The following MGAT4C variants were observed in gnomAD, a reference collection of about 807,000 sequenced individuals.
MGAT4C encodes MGAT4 family member C.
A neutral mutation model predicts 40.1 loss-of-function variants in MGAT4C; 19 were observed. The ratio of observed to expected loss-of-function variants is 0.47; its 90% CI spans 0.33 to 0.70. The LOEUF (loss-of-function observed/expected upper bound fraction) is 0.70, where lower values mean the gene tolerates loss of function less well. MGAT4C is among the 30% of genes least tolerant of loss of function. The pLI, the probability that MGAT4C is intolerant of heterozygous loss-of-function variation, is 0.02. For synonymous variants in MGAT4C, 181 were observed against 187.1 expected (o/e 0.97, Z 0.27); for missense variants, 491 against 563.2 (o/e 0.87, Z 1.30).
rs1045659694 is a variant in MGAT4C at position 85,975,588 on chromosome 12, AC to A, written c.*3700del. The A allele has an allele frequency of 6.6e-6, 1 of 150,964 alleles. No homozygotes were observed. The highest frequency in any genetic ancestry group is 1.5e-5 in the Non-Finnish European group (1 of 67,146). The allele number at this position is 150,964 out of a possible 1,614,324, so 9.4% of individuals were successfully genotyped here. On this transcript the variant is annotated 3_prime_UTR_variant, in exon 5 of 5. Transcript: ENST00000611864. ...ACCTTCTGTTTTGTCTCCCATGAAG[AC>A]AAAAGGCATGCATATAAAATTTGTT...
intron 2 of MGAT4C, among the ~76,000 whole-genome samples, chr12:86,703,724 T>C (rs990677229): frequency 3.9e-5 from 6 of 152,216 alleles, no homozygotes; most frequent in Admixed American, 2.0e-4. Context: ...ATTGTTGTTG[T>C]CTGGAGCCTA....
chr12:86,015,253 A>ATGTGTGTGTG (rs74276061), intron 2 of MGAT4C, among the ~76,000 whole-genome samples: 1 of 151,060 alleles, frequency 6.6e-6, no homozygotes, highest in Non-Finnish European at 1.5e-5. Flanking sequence ...TTTTGCACCA[A>ATGTGTGTGTG]TGTGTGTGTG....
intron 2 of MGAT4C, among the ~76,000 whole-genome samples, chr12:85,991,653 C>T (rs1183057857): frequency 1.3e-4 from 20 of 152,170 alleles, no homozygotes; most frequent in Admixed American, 1.2e-3. Context: ...GTCAGCACTG[C>T]CCAGAGCTGA....
At chr12:86,110,278 AGTC>A (rs1383530805) in intron 1 of MGAT4C, among the ~76,000 whole-genome samples, 4 of 63,754 alleles carry the variant, frequency 6.3e-5, no homozygotes, top group Non-Finnish European at 8.6e-5. Context: ...CTATATATAT[AGTC>A]TATATATATA....
chr12:86,107,604 T>G (rs1876439199), intron 1 of MGAT4C, among the ~76,000 whole-genome samples: 1 of 152,152 alleles, frequency 6.6e-6, no homozygotes, highest in African/African-American at 2.4e-5. Flanking sequence ...CTCCGTTAAT[T>G]AGAGAACAAA....
At chr12:86,707,567 G>A (rs1344693836) in intron 2 of MGAT4C, among the ~76,000 whole-genome samples, 1 of 146,212 alleles carries the variant, frequency 6.8e-6, no homozygotes, top group Non-Finnish European at 1.5e-5. Flanking sequence ...GTATTGCTCT[G>A]TCACACATGC....
intron 2 of MGAT4C, among the ~76,000 whole-genome samples, chr12:86,603,203 A>C (rs1433416585): frequency 2.1e-5 from 3 of 145,300 alleles, no homozygotes; most frequent in African/African-American, 7.6e-5. Context: ...TCTATATAGA[A>C]TAATACTATA....
At position 86,038,246 on chromosome 12, in the gene MGAT4C, A is replaced by C. The variant is rs546913151; in HGVS notation, c.-7+11428T>G. On this transcript the variant is annotated intron_variant, in intron 2 of 4. Transcript: ENST00000611864. The stretch of plus-strand genomic sequence containing the variant: ...GCATGTTCTTCTAGTTTAAGCTAGA[A>C]GCAAGGAGCCAGCAAGTCTAGACTC... Among the ~76,000 whole-genome samples, 134 of 149,958 alleles carry C rather than the reference A, an allele frequency of 8.9e-4. 8 individuals carry two copies. The highest frequency in any genetic ancestry group is 1.5e-3 in the Non-Finnish European group (98 of 66,808).
At chr12:86,186,060 G>C (rs1219654782) in intron 1 of MGAT4C, among the ~76,000 whole-genome samples, 2 of 152,106 alleles carry the variant, frequency 1.3e-5, no homozygotes, top group African/African-American at 4.8e-5. Flanking sequence ...AAATCATTTA[G>C]CTATGGCCAA....
chr12:86,502,656 T>TTTCTGCTCATATATATACACGAG (rs746700340), intron 2 of MGAT4C, among the ~76,000 whole-genome samples: 13 of 144,000 alleles, frequency 9.0e-5, no homozygotes, highest in East Asian at 3.3e-4. Context: ...ATATACATGA[T>TTTCTGCTCATATATATACACGAG]TTCTGCTCAT....
intron 2 of MGAT4C, among the ~76,000 whole-genome samples, chr12:86,725,484 C>T (rs1950806433): frequency 6.6e-6 from 1 of 151,820 alleles, no homozygotes; most frequent in African/African-American, 2.4e-5. Flanking sequence ...TGGTAGAGAC[C>T]GAGACCTTCT....
At chr12:86,050,991 A>T (rs1311948514) in intron 1 of MGAT4C, among the ~76,000 whole-genome samples, 2 of 152,028 alleles carry the variant, frequency 1.3e-5, no homozygotes, top group African/African-American at 4.8e-5. Context: ...GATCCCAAGA[A>T]ATTTGTTATT....
At chr12:86,451,839 G>A (rs184246846) in intron 2 of MGAT4C, among the ~76,000 whole-genome samples, 6 of 152,042 alleles carry the variant, frequency 3.9e-5, no homozygotes, top group South Asian at 2.1e-4. Context: ...CAGTGCTAGG[G>A]TTTTCACACT....
chr12:86,763,324 T>A (rs1025087206), intron 1 of MGAT4C, among the ~76,000 whole-genome samples: 2 of 152,188 alleles, frequency 1.3e-5, no homozygotes, highest in African/African-American at 4.8e-5. Flanking sequence ...AGGGTAAAAC[T>A]TCCCCCACTT....
chr12:85,988,734 A>C (rs1050623081), intron 3 of MGAT4C, among the ~76,000 whole-genome samples: 4 of 151,674 alleles, frequency 2.6e-5, no homozygotes, highest in Non-Finnish European at 5.9e-5. Context: ...ATAATTAGTC[A>C]GAATAAGCGC....
At chr12:86,521,460 C>G (rs1958793699) in intron 2 of MGAT4C, among the ~76,000 whole-genome samples, 1 of 151,948 alleles carries the variant, frequency 6.6e-6, no homozygotes, top group Admixed American at 6.6e-5. Flanking sequence ...CTATGCTGCT[C>G]TGTTTACTGT....
chr12:86,450,307 T>C (rs927717066), intron 2 of MGAT4C, among the ~76,000 whole-genome samples: 3 of 152,184 alleles, frequency 2.0e-5, no homozygotes, highest in Non-Finnish European at 4.4e-5. Flanking sequence ...TCTATTTAGA[T>C]AGATTTGTTA....
intron 1 of MGAT4C, among the ~76,000 whole-genome samples, chr12:86,163,206 C>G (rs762196260): frequency 3.9e-5 from 6 of 152,000 alleles, no homozygotes; most frequent in African/African-American, 1.4e-4. Context: ...ATCCTCCCCC[C>G]CTTTTTTTTC....
rs1467029946 is a variant in MGAT4C at position 86,307,335 on chromosome 12, C to T, written c.-57+26730G>A. Among the ~76,000 whole-genome samples the T allele has an allele frequency of 1.3e-5, 2 of 150,316 alleles. 1 individual carries two copies. Among genetic ancestry groups the T allele is most frequent in the East Asian group, 3.9e-4 (2 of 5,158 alleles). On this transcript the variant is annotated intron_variant, in intron 4 of 7. Transcript: ENST00000548651. ...ACATAAAATAAACTATTTATTTCTA[C>T]ATTGCTACATTGTTTATAATCTTAT...
Sources: allele counts gnomAD v4.1 joint callset (sites outside exome capture counted in the v4.1 genomes callset), GRCh38; gene constraint gnomAD v4.1.1; transcripts MANE v1.5; gene names NCBI Gene and HGNC (gene_info 2026-07-23, HGNC 2026-07-21).